Variants in YIPF2 observed in about 807,000 individuals in gnomAD.
YIPF2 encodes the protein Yip1 domain family member 2.
A neutral mutation model predicts 38.8 loss-of-function variants in YIPF2; 30 were observed. The ratio of observed to expected loss-of-function variants is 0.77; its 90% confidence interval spans 0.58 to 1.05. YIPF2 has a LOEUF of 1.05. Among genes scored for constraint, YIPF2 ranks in the 50% least tolerant of loss-of-function variants. YIPF2 has a pLI of 0.00. For synonymous variants in YIPF2, 194 were observed against 183.8 expected, an observed-to-expected ratio of 1.06 and a Z score of -0.45; for missense variants, 401 against 409.7, an observed-to-expected ratio of 0.98 and a Z score of 0.18.
chr19:10,926,215 C>CT (rs1011271224), intron 4 of YIPF2, among the ~76,000 whole-genome samples: 41 of 150,632 alleles, frequency 2.7e-4, no homozygotes, highest in African/African-American at 9.3e-4. Flanking sequence ...CCAGCCCCCT[C>CT]TTTTTTTTCC....
chr19:10,928,318 C>A, intron 2 of YIPF2, 62 bp downstream of exon 2: 1 of 1,328,688 alleles, frequency 7.5e-7, no homozygotes, highest in Non-Finnish European at 9.7e-7. Context: ...GAAGCCGTAT[C>A]GGGGGGAGGT....
intron 2 of YIPF2, 128 bp from the exon 3 acceptor site, chr19:10,928,087 G>A: frequency 2.9e-6 from 4 of 1,362,618 alleles, no homozygotes; most frequent in Non-Finnish European, 4.0e-6. Context: ...CCAAGGTGGG[G>A]CCCAACTTCC....
Position 10,925,697 on chromosome 19 carries a change from G to A in YIPF2, c.356C>T (p.Pro119Leu), listed in dbSNP as rs374893684. The A allele has an allele frequency of 2.4e-5, 39 of 1,613,828 alleles. No homozygotes were observed. The highest frequency in any genetic ancestry group is 8.0e-5 in the African/African-American group (6 of 74,924). ...NFVRHHLRNRPDLYGPFWICA... is the reference protein window; with the variant it reads ...NFVRHHLRNRLDLYGPFWICA... ...ACAACCTCACTCACCATACAGATCC[G>A]GCCGATTCCGCAGATGGTGCCGCAC... is the stretch of plus-strand genomic sequence containing the variant. Residue 119 changes from proline (P) to leucine (L), a missense_variant, in exon 5 of 10, where the codon CCG (proline) becomes CTG (leucine). By Grantham distance (98) the Pro-to-Leu change is moderately conservative. Transcript: ENST00000586748.
Position 10,923,509 on chromosome 19 carries a change from C to T in YIPF2, c.820G>A (p.Ala274Thr), listed in dbSNP as rs1424387449. ...CAGACCCGTACCTTACAGCCCATGG[C>T]CAGGAGGGCGTGGAGCAGCACGACC... ...SVVVLLHALL[A>T]MGCKLYFFQS... The change falls in exon 8 of 10, where the codon GCC becomes ACC. Residue 274 changes from alanine (A) to threonine (T), a missense_variant. Transcript: ENST00000586748. 3 of 1,612,624 alleles carry T rather than the reference C, an allele frequency of 1.9e-6. No homozygotes were observed. The highest frequency in any genetic ancestry group is 2.5e-6 in the Non-Finnish European group (3 of 1,179,704).
chr19:10,923,313 G>T lies in YIPF2; in HGVS notation c.929C>A (p.Pro310Gln), dbSNP rs149170271. ...PSNIALSPTL[P>Q]QSLAPS ...TTCCTAGGAGGGGGCCAGGGACTGC[G>T]GCAAGGTAGGGGACAGCGCGATGTT... The change falls in exon 9 of 10, where the codon CCG becomes CAG. Residue 310 changes from proline to glutamine, a missense_variant. Coordinates refer to ENST00000586748, the MANE Select transcript of YIPF2 (RefSeq NM_001321439.2). The T allele has an allele frequency of 1.1e-5, 18 of 1,611,870 alleles. No individual in the cohort carries two copies. In the Admixed American group the frequency reaches 3.0e-4, roughly 27 times the overall value.
chr19:10,925,057 C>G (rs1486572280), intron 5 of YIPF2, among the ~76,000 whole-genome samples: 1 of 152,022 alleles, frequency 6.6e-6, no homozygotes, highest in Non-Finnish European at 1.5e-5. Flanking sequence ...CACGGTGAAA[C>G]TCCGTCCCTA....
rs370646652 is a variant in YIPF2, at chr19:10,923,631, G to A, written c.698C>T (p.Ala233Val). The change falls in exon 8 of 10, where the codon GCG becomes GTG. Residue 233 changes from alanine to valine, a missense_variant. Coordinates refer to ENST00000586748, the MANE Select transcript of YIPF2 (RefSeq NM_001321439.2). Reference protein sequence around the residue: ...PVPWLQWLFGALALGLSAAGL... With the variant: ...PVPWLQWLFGVLALGLSAAGL... ...GGCGGCTGACAGGCCCAGGGCCAGC[G>A]CCCCAAAGAGCCACTGCAGCCAAGG... 1.2e-5 allele frequency: 19 copies of A among 1,612,250 alleles called. No homozygotes were observed. The highest frequency in any genetic ancestry group is 4.5e-5 in the East Asian group (2 of 44,838).
chr19:10,928,233 G>A (rs1294209366), intron 2 of YIPF2, 147 bp downstream of exon 2: 4 of 992,526 alleles, frequency 4.0e-6, no homozygotes, highest in Admixed American at 7.2e-5. Flanking sequence ...GGGCGGGGGC[G>A]GGGTTCGAGT....
chr19:10,923,229 G>C, intron 9 of YIPF2, 43 bp downstream of exon 9: 1 of 1,491,810 alleles, frequency 6.7e-7, no homozygotes. Flanking sequence ...TTGACTGGGA[G>C]TGGGAGGGCA....
At position 10,924,206 on chromosome 19, in the gene YIPF2, GCA is replaced by G; in HGVS notation, c.368-16_368-15del. 6.2e-7 allele frequency: 1 copy of G among 1,604,676 alleles called. No homozygotes were observed. The highest frequency in any genetic ancestry group is 8.5e-7 in the Non-Finnish European group (1 of 1,177,022). ...TCCAGAAGGGGCCTGGGGGTAGGGG[GCA>G]CAGTCAGGGTCCCGGGCCCTGCACT... is the stretch of plus-strand genomic sequence containing the variant. On this transcript the variant is annotated splice_polypyrimidine_tract_variant and intron_variant, in intron 5 of 9. Coordinates refer to ENST00000586748, the MANE Select transcript of YIPF2 (RefSeq NM_001321439.2).
chr19:10,925,764 G>A lies in YIPF2; in HGVS notation c.289C>T (p.Arg97Trp), dbSNP rs145468769. ...CGGGGCAGCAGTGAGCCTTTGATCCGGTCCAGGACCTGGGGGCAAGGCCAA... is the reference window on the plus strand; with the variant it reads ...CGGGGCAGCAGTGAGCCTTTGATCCAGTCCAGGACCTGGGGGCAAGGCCAA... ...FDVDTSQVLDRIKGSLLPRPG... is the reference protein window; with the variant it reads ...FDVDTSQVLDWIKGSLLPRPG... The change falls in exon 5 of 10, where the codon CGG becomes TGG. Residue 97 changes from arginine (R) to tryptophan (W), a missense_variant. Transcript: ENST00000586748. 38 of 1,613,702 alleles carry A rather than the reference G, an allele frequency of 2.4e-5. No individual in the cohort carries two copies. The highest frequency in any genetic ancestry group is 1.7e-4 in the Middle Eastern group (1 of 6,056).
rs1188269363 is a variant in YIPF2, at chr19:10,922,282, G to A, written c.*912C>T. The A allele has an allele frequency of 1.3e-5, 2 of 152,722 alleles. No homozygotes were observed. Among genetic ancestry groups the A allele is most frequent in the Admixed American group, 6.5e-5 (1 of 15,288 alleles). The allele number at this position is 152,722 out of a possible 1,614,324, so 9.5% of individuals were successfully genotyped here. ...CCAGGCCGGCCGGGCCGAGCCAGCA[G>A]CCCCTCTCCCTAGACTCAGAGGCGC... On this transcript the variant is annotated 3_prime_UTR_variant, in exon 10 of 10. Coordinates refer to ENST00000586748, the MANE Select transcript of YIPF2 (RefSeq NM_001321439.2).
chr19:10,928,612 G>A lies in YIPF2; in HGVS notation c.-132C>T, dbSNP rs1325224401. On this transcript the variant is annotated 5_prime_UTR_variant, in exon 1 of 10. Coordinates refer to ENST00000586748, the MANE Select transcript of YIPF2 (RefSeq NM_001321439.2). ...GAGGCCACCTGGGCCGGCGTGGCTG[G>A]GGCTCTCTGCGCCTGCGCGTCTCGC... 4.5e-6 allele frequency: 4 copies of A among 883,464 alleles called. No individual in the cohort carries two copies. The highest frequency in any genetic ancestry group is 6.4e-6 in the Non-Finnish European group (4 of 623,636). The allele number at this position is 883,464 out of a possible 1,614,324, so 54.7% of individuals were successfully genotyped here. A position where few individuals can be genotyped will look rare whatever the true frequency, so the allele number is the denominator to read the frequency against.
chr19:10,925,804 G>A lies in YIPF2; in HGVS notation c.280-31C>T, dbSNP rs575593107. 6.8e-5 allele frequency: 109 copies of A among 1,607,554 alleles called. No individual in the cohort carries two copies. In the South Asian group the frequency reaches 1.1e-3, roughly 17 times the overall value. On this transcript the variant is annotated intron_variant, in intron 4 of 9. Coordinates refer to ENST00000586748, the MANE Select transcript of YIPF2 (RefSeq NM_001321439.2). Reference sequence around the variant, plus strand: ...GGCAAGGCCAAGGTCAAGGATGGAAGTCTGCCAGGAGCTTCTCCCTTGTCC... The same window carrying A: ...GGCAAGGCCAAGGTCAAGGATGGAAATCTGCCAGGAGCTTCTCCCTTGTCC...
At position 10,925,738 on chromosome 19, in the gene YIPF2, C is replaced by T. The variant is rs1422246726; in HGVS notation, c.315G>A (p.Arg105=). ...LDRIKGSLLP[R]PGHNFVRHHL... is the part of the protein sequence containing the mutation. ...GGTGCCGCACAAAGTTGTGGCCAGG[C>T]CGGGGCAGCAGTGAGCCTTTGATCC... is the stretch of plus-strand genomic sequence containing the variant. Residue 105 remains arginine (R), a synonymous_variant, in exon 5 of 10, where the codon CGG becomes CGA. Coordinates refer to ENST00000586748, the MANE Select transcript of YIPF2 (RefSeq NM_001321439.2). 2.5e-6 allele frequency: 4 copies of T among 1,613,792 alleles called. No individual in the cohort carries two copies. The highest frequency in any genetic ancestry group is 3.4e-6 in the Non-Finnish European group (4 of 1,180,010).
Position 10,923,563 on chromosome 19 carries a change from T to G in YIPF2, c.766A>C (p.Arg256=), listed in dbSNP as rs146974463. ...TLWPVVREDT[R]LVATVLLSVV... Reference sequence around the variant, plus strand: ...GACAGCAGCACTGTGGCCACCAGCCTGGTGTCCTCACGGACCACGGGCCAG... The same window carrying G: ...GACAGCAGCACTGTGGCCACCAGCCGGGTGTCCTCACGGACCACGGGCCAG... Residue 256 remains arginine, a synonymous_variant, in exon 8 of 10, where the codon AGG becomes CGG. Coordinates refer to ENST00000586748, the MANE Select transcript of YIPF2 (RefSeq NM_001321439.2). 1,724 of 1,612,698 alleles carry G rather than the reference T, an allele frequency of 1.1e-3. 4 individuals are homozygous for G. Among genetic ancestry groups the G allele is most frequent in the South Asian group, 1.3e-3 (117 of 91,080 alleles).
rs2074323171 is a variant in YIPF2, at chr19:10,924,057, G to T, written c.484+19C>A. The T allele has an allele frequency of 5.0e-6, 8 of 1,613,334 alleles. No homozygotes were observed. The East Asian group carries it at 1.8e-4, about 36-fold the overall frequency. On this transcript the variant is annotated intron_variant, in intron 6 of 9. Transcript: ENST00000586748. ...TACCCCAGGGCCCTGCCAGGCATTG[G>T]GCCTGCCCGTCTGCTTACCCTTGTG... is the stretch of plus-strand genomic sequence containing the variant.
Position 10,922,566 on chromosome 19 carries a change from G to C in YIPF2, c.*628C>G, listed in dbSNP as rs1418435076. The stretch of plus-strand genomic sequence containing the variant: ...CTTGGGGCAGACACAGACACCTCAA[G>C]GATCTGTCACGGAAGGCGTCCTTTT... On this transcript the variant is annotated 3_prime_UTR_variant, in exon 10 of 10. Coordinates refer to ENST00000586748, the MANE Select transcript of YIPF2 (RefSeq NM_001321439.2). 1.4e-5 allele frequency: 2 copies of C among 145,588 alleles called. No homozygotes were observed. The highest frequency in any genetic ancestry group is 3.0e-5 in the Non-Finnish European group (2 of 67,576). 9.0% of individuals were successfully genotyped at this position (145,588 alleles called of 1,614,324 possible). A position where few individuals can be genotyped will look rare whatever the true frequency, so the allele number is the denominator to read the frequency against.
chr19:10,928,581 T>A lies in YIPF2; in HGVS notation c.-101A>T. 9.8e-7 allele frequency: 1 copy of A among 1,015,426 alleles called. No individual in the cohort carries two copies. Among genetic ancestry groups the A allele is most frequent in the Non-Finnish European group, 1.3e-6 (1 of 745,450 alleles). The allele number at this position is 1,015,426 out of a possible 1,614,324, so 62.9% of individuals were successfully genotyped here. A position where few individuals can be genotyped will look rare whatever the true frequency, so the allele number is the denominator to read the frequency against. ...CCCCACAGGTGCGCTCCGCCCCCCC[T>A]CACCTGAGGCCACCTGGGCCGGCGT... On this transcript the variant is annotated 5_prime_UTR_variant, in exon 1 of 10. Coordinates refer to ENST00000586748, the MANE Select transcript of YIPF2 (RefSeq NM_001321439.2).
Sources: gnomAD v4.1 joint callset for allele counts (sites outside exome capture counted in the v4.1 genomes callset) on GRCh38, gnomAD v4.1.1 for gene constraint, MANE v1.5 for transcripts, NCBI Gene and HGNC (gene_info 2026-07-23, HGNC 2026-07-21) for gene names.